MAST4: variants seen among roughly 807,000 people sequenced by gnomAD.
MAST4 encodes microtubule associated serine/threonine kinase family member 4, also known as microtubule-associated serine/threonine-protein kinase 4.
In MAST4, 89 loss-of-function variants were observed where a neutral mutation model predicts 162.7. The observed-to-expected ratio is 0.55, with a 90% CI of 0.46 to 0.65. The LOEUF (loss-of-function observed/expected upper bound fraction) is 0.65. MAST4 is among the 30% of genes least tolerant of loss of function. The pLI is 0.00. For missense variants in MAST4, 3,153 were observed against 3,374.0 expected (o/e 0.93, Z 1.62); for synonymous variants, 1,479 against 1,361.1 (o/e 1.09, Z -1.91).
intron 1 of MAST4, among the ~76,000 whole-genome samples, chr5:66,644,823 T>C (rs1426908954): frequency 1.3e-5 from 2 of 151,334 alleles, no homozygotes; most frequent in Non-Finnish European, 2.9e-5. Flanking sequence ...TGAAATGTAC[T>C]TGTCCATTGT....
In MAST4 at chr5:67,167,293, ATTACCT is replaced by A. The variant is rs1242208296; in HGVS notation, c.*247_*252del. The A allele has an allele frequency of 6.2e-6, 2 of 322,384 alleles. No individual in the cohort carries two copies. The highest frequency in any genetic ancestry group is 2.3e-5 in the African/African-American group (1 of 43,880). 20.0% of individuals were successfully genotyped at this position (322,384 alleles called of 1,614,324 possible). A position where few individuals can be genotyped will look rare whatever the true frequency, so the allele number is the denominator to read the frequency against. ...AAAAAAAAAAAAAAAAAAAAAAAAAATTACCTTTACAGTTGAGGGTTGTTGAGGAAA... is the reference window on the plus strand; with the variant it reads ...AAAAAAAAAAAAAAAAAAAAAAAAAATTACAGTTGAGGGTTGTTGAGGAAA... On this transcript the variant is annotated 3_prime_UTR_variant, in exon 29 of 29. Transcript: ENST00000403625.
At chr5:67,122,782 A>G (rs1767731252) in intron 14 of MAST4, among the ~76,000 whole-genome samples, 2 of 152,304 alleles carry the variant, frequency 1.3e-5, no homozygotes, top group South Asian at 2.1e-4. Context: ...TTGTAGTGCA[A>G]TTAAACCACT....
intron 1 of MAST4, among the ~76,000 whole-genome samples, chr5:66,606,128 ATC>A (rs1742867168): frequency 6.6e-6 from 1 of 151,918 alleles, no homozygotes; most frequent in South Asian, 2.1e-4. Flanking sequence ...CTTCTTCTCT[ATC>A]TATAGTTTTA....
At chr5:67,063,246 G>A (rs1033478390) in intron 5 of MAST4, among the ~76,000 whole-genome samples, 4 of 151,802 alleles carry the variant, frequency 2.6e-5, no homozygotes, top group African/African-American at 9.7e-5. Context: ...TTAAGGAAAA[G>A]AATGATAAAA....
intron 4 of MAST4, among the ~76,000 whole-genome samples, chr5:66,950,503 G>A (rs766028094): frequency 7.2e-5 from 11 of 152,034 alleles, no homozygotes; most frequent in African/African-American, 2.7e-4. Flanking sequence ...AGCCAAAATA[G>A]AGTAGTACCT....
chr5:66,833,578 C>T (rs1049853405), intron 3 of MAST4, among the ~76,000 whole-genome samples: 2 of 152,188 alleles, frequency 1.3e-5, no homozygotes, highest in Admixed American at 6.5e-5. Context: ...GTTTCATAAC[C>T]TGTTCTCCCA....
chr5:66,716,719 C>T (rs1216945044), intron 1 of MAST4, among the ~76,000 whole-genome samples: 1 of 151,984 alleles, frequency 6.6e-6, no homozygotes, highest in African/African-American at 2.4e-5. Context: ...CTTTGTAGAC[C>T]ATTTCTCCAG....
intron 1 of MAST4, among the ~76,000 whole-genome samples, chr5:66,672,276 G>A (rs1393223987): frequency 6.6e-6 from 1 of 152,030 alleles, no homozygotes; most frequent in East Asian, 1.9e-4. Context: ...TTGACACCTG[G>A]GAAGCATCAT....
intron 4 of MAST4, among the ~76,000 whole-genome samples, chr5:67,033,018 C>T (rs1755546743): frequency 6.6e-6 from 1 of 151,644 alleles, no homozygotes; most frequent in Non-Finnish European, 1.5e-5. Flanking sequence ...ACTTTTTGCC[C>T]TGTTCTAACC....
chr5:66,865,516 G>T (rs36150), intron 3 of MAST4, among the ~76,000 whole-genome samples: 80,030 of 152,070 alleles, frequency 0.53, 22,777 homozygotes, highest in Non-Finnish European at 0.64. Flanking sequence ...TCATTAAAAT[G>T]GAAGTATTTA....
intron 4 of MAST4, among the ~76,000 whole-genome samples, chr5:66,914,225 T>C (rs910228255): frequency 7.9e-5 from 12 of 152,306 alleles, no homozygotes; most frequent in African/African-American, 2.9e-4. Context: ...TGACCAGTAC[T>C]TATACTGAAA....
In MAST4 at chr5:66,596,936, C is replaced by A; in HGVS notation, c.281C>A (p.Ala94Glu). Residue 94 changes from alanine to glutamate, a missense_variant, in exon 1 of 29, where the codon GCG (alanine) becomes GAG (glutamate). By Grantham distance (107) the Ala-to-Glu change is moderately radical. Around this residue, in one of 7 missense-constraint regions of MAST4, gnomAD observed 327 missense variants for 336.5 expected, o/e 0.97. Coordinates refer to ENST00000403625, the MANE Select transcript of MAST4 (RefSeq NM_001164664.2). ...ASVLLERGVL[A>E]LPPPLPGGAV... Reference sequence around the variant, plus strand: ...GTGCTGCTGGAGCGCGGAGTCCTTGCGCTGCCGCCGCCGCTTCCCGGAGGA... The same window carrying A: ...GTGCTGCTGGAGCGCGGAGTCCTTGAGCTGCCGCCGCCGCTTCCCGGAGGA... 1 of 1,351,148 alleles carries A rather than the reference C, an allele frequency of 7.4e-7. No homozygotes were observed. The highest frequency in any genetic ancestry group is 2.7e-4 in the Middle Eastern group (1 of 3,658). The allele number at this position is 1,351,148 out of a possible 1,614,324, so 83.7% of individuals were successfully genotyped here. A position where few individuals can be genotyped will look rare whatever the true frequency, so the allele number is the denominator to read the frequency against.
At chr5:66,866,414 C>A (rs891114009) in intron 3 of MAST4, among the ~76,000 whole-genome samples, 36 of 152,298 alleles carry the variant, frequency 2.4e-4, no homozygotes, top group African/African-American at 8.4e-4. Context: ...TGCTCTACTT[C>A]TAAACGGCAC....
At chr5:66,831,846 G>A (rs1757620412) in intron 3 of MAST4, among the ~76,000 whole-genome samples, 2 of 152,180 alleles carry the variant, frequency 1.3e-5, no homozygotes, top group African/African-American at 4.8e-5. Flanking sequence ...GGATGGGCTT[G>A]GGCCGACCTT....
chr5:67,167,083 C>A lies in MAST4; in HGVS notation c.*32C>A, dbSNP rs755970466. On this transcript the variant is annotated 3_prime_UTR_variant, in exon 29 of 29. Transcript: ENST00000403625. ...GGGCCCAGGGGCAGGACTGTGGAGA[C>A]CCGTCCTGAACGGGCGACTGTGTCT... The A allele has an allele frequency of 1.3e-6, 2 of 1,526,686 alleles. No homozygotes were observed. The highest frequency in any genetic ancestry group is 2.3e-5 in the East Asian group (1 of 43,972). The allele number at this position is 1,526,686 out of a possible 1,614,324, so 94.6% of individuals were successfully genotyped here.
At chr5:66,823,238 T>C (rs895254091) in intron 3 of MAST4, among the ~76,000 whole-genome samples, 2 of 152,198 alleles carry the variant, frequency 1.3e-5, no homozygotes, top group African/African-American at 4.8e-5. Context: ...ACCTGTTTCC[T>C]TTATAAATTT....
chr5:66,657,583 T>C (rs1033957389), intron 1 of MAST4, among the ~76,000 whole-genome samples: 1 of 152,264 alleles, frequency 6.6e-6, no homozygotes, highest in Non-Finnish European at 1.5e-5. Context: ...TAATTTCCTG[T>C]ATACATTTCC....
At chr5:67,029,100 A>G (rs1049628363) in intron 4 of MAST4, among the ~76,000 whole-genome samples, 2 of 151,684 alleles carry the variant, frequency 1.3e-5, no homozygotes, top group Non-Finnish European at 2.9e-5. Context: ...ACGTAACTAC[A>G]CCCAGCCTGG....
At chr5:66,903,583 A>G (rs1247114922) in intron 4 of MAST4, among the ~76,000 whole-genome samples, 1 of 152,160 alleles carries the variant, frequency 6.6e-6, no homozygotes, top group East Asian at 1.9e-4. Flanking sequence ...CATCATAGAA[A>G]AAATTATGAT....
Sources: allele counts gnomAD v4.1 joint callset (sites outside exome capture counted in the v4.1 genomes callset), GRCh38; gene constraint gnomAD v4.1.1; regional missense constraint gnomAD v4.1.1; transcripts MANE v1.5; gene names NCBI Gene and HGNC (gene_info 2026-07-23, HGNC 2026-07-21).